The following PARG variants were observed in gnomAD, a reference collection of about 807,000 sequenced individuals.
The protein encoded by PARG is mitochondrial poly(ADP-ribose) glycohydrolase.
In PARG, 35 loss-of-function variants were observed where a neutral mutation model predicts 113.0. That is an observed-to-expected ratio of 0.31 (90% CI 0.24 to 0.41). The LOEUF (loss-of-function observed/expected upper bound fraction) is 0.41, where lower values mean the gene tolerates loss of function less well. Among genes scored for constraint, PARG ranks in the 10% least tolerant of loss-of-function variants. The probability of loss-of-function intolerance (pLI) is 1.00; values close to 1 mark genes in which losing one functional copy is unlikely to be tolerated. For missense variants in PARG, 797 were observed against 1,169.4 expected (o/e 0.68, Z 4.64); for synonymous variants, 330 against 409.9 (o/e 0.81, Z 2.36).
Position 49,820,258 on chromosome 10 carries a change from G to A in PARG, c.2683C>T (p.Arg895Ter), listed in dbSNP as rs1227376382. Residue 895 changes from arginine (R) to a stop codon, truncating the protein, a stop_gained, in exon 17 of 18, where the codon CGA becomes TGA. Coordinates refer to ENST00000616448, the MANE Select transcript of PARG (RefSeq NM_003631.5). LOFTEE classifies it high-confidence loss of function. ...CCAAAGGTGAAATAAACCACATCTC[G>A]CTCAGCTGCAGCAGCTGCCAATATC... ...IQILAAAAAE[R>*]DVVYFTFGDS... 12 of 1,543,724 alleles carry A rather than the reference G, an allele frequency of 7.8e-6. No homozygotes were observed. The highest frequency in any genetic ancestry group is 2.4e-5 in the East Asian group (1 of 40,890).
intron 16 of PARG, among the ~76,000 whole-genome samples, chr10:49,830,102 G>C (rs1201135118): frequency 6.6e-6 from 1 of 152,152 alleles, no homozygotes; most frequent in Non-Finnish European, 1.5e-5. Context: ...TACTATGCTT[G>C]ATAGTCACCA....
intron 4 of PARG, among the ~76,000 whole-genome samples, chr10:49,924,865 G>C (rs2664666): frequency 6.6e-6 from 1 of 152,204 alleles, no homozygotes; most frequent in African/African-American, 2.4e-5. Flanking sequence ...AATCTACATT[G>C]TGTAGAGCAA....
chr10:49,941,754 G>C lies in PARG; in HGVS notation c.-29C>G. ...GGGACCAGCAGCGCACTGTCCCCGG[G>C]CCGGCCCGGGCGGAGAGCCTCATTC... On this transcript the variant is annotated 5_prime_UTR_variant, in exon 1 of 18. Coordinates refer to ENST00000616448, the MANE Select transcript of PARG (RefSeq NM_003631.5). The C allele has an allele frequency of 2.6e-6, 4 of 1,549,272 alleles. No homozygotes were observed. In the South Asian group the frequency reaches 3.6e-5, roughly 14 times the overall value.
intron 14 of PARG, 24 bp from the exon 15 acceptor site, chr10:49,842,082 A>G: frequency 6.8e-7 from 1 of 1,469,476 alleles, no homozygotes. Context: ...GAAAGGGGAG[A>G]AAAGATAAGG....
At chr10:49,825,187 A>T (rs191160022) in intron 16 of PARG, among the ~76,000 whole-genome samples, 1 of 152,026 alleles carries the variant, frequency 6.6e-6, no homozygotes, top group Admixed American at 6.5e-5. Context: ...CTTATTCTCC[A>T]ATTGGTCTTG....
chr10:49,826,133 A>G (rs782204015), intron 16 of PARG, among the ~76,000 whole-genome samples: 7 of 152,206 alleles, frequency 4.6e-5, no homozygotes, highest in Non-Finnish European at 1.0e-4. Flanking sequence ...TAAGAAATAG[A>G]TACTTGCTCC....
At chr10:49,919,021 A>G (rs1362243311) in intron 6 of PARG, among the ~76,000 whole-genome samples, 6 of 151,888 alleles carry the variant, frequency 4.0e-5, no homozygotes, top group African/African-American at 1.2e-4. Flanking sequence ...GCTCACTGCA[A>G]CCTCTGCCTC....
At chr10:49,820,452 T>G (rs1844015152) in intron 16 of PARG, among the ~76,000 whole-genome samples, 159 bp from the exon 17 acceptor site, 1 of 152,012 alleles carries the variant, frequency 6.6e-6, no homozygotes, top group Non-Finnish European at 1.5e-5. Flanking sequence ...CTGGGCGCGG[T>G]GCCTCACACC....
intron 16 of PARG, among the ~76,000 whole-genome samples, chr10:49,830,149 C>T (rs1318327289): frequency 6.6e-6 from 1 of 151,468 alleles, no homozygotes; most frequent in Non-Finnish European, 1.5e-5. Context: ...GCTTTTAAGC[C>T]AGAAAAAAAG....
intron 7 of PARG, among the ~76,000 whole-genome samples, chr10:49,914,832 G>A (rs1489297705): frequency 2.6e-5 from 4 of 152,160 alleles, no homozygotes; most frequent in African/African-American, 9.7e-5. Context: ...AATTCAACAC[G>A]GGATAGAAGA....
chr10:49,935,166 T>C (rs1265039883), intron 1 of PARG, 24 bp from the exon 2 acceptor site: 8 of 710,802 alleles, frequency 1.1e-5, no homozygotes, highest in East Asian at 1.1e-4. Context: ...TGTATATTCA[T>C]ACATTCCTTC....
At chr10:49,913,070 C>T (rs180987763) in intron 7 of PARG, among the ~76,000 whole-genome samples, 20 of 152,328 alleles carry the variant, frequency 1.3e-4, no homozygotes, top group Non-Finnish European at 2.6e-4. Context: ...GTTTCCCTTG[C>T]GCTAAAAATC....
intron 7 of PARG, among the ~76,000 whole-genome samples, chr10:49,897,165 T>C (rs782625205): frequency 1.3e-5 from 2 of 152,224 alleles, no homozygotes. Context: ...TGTACCATAC[T>C]GACTTCATTA....
chr10:49,822,579 T>A (rs986405804), intron 16 of PARG, among the ~76,000 whole-genome samples: 10 of 152,188 alleles, frequency 6.6e-5, no homozygotes, highest in Non-Finnish European at 1.2e-4. Context: ...AATAGGAACA[T>A]CCTTTCTTTG....
chr10:49,822,557 T>C (rs1030494140), intron 16 of PARG, among the ~76,000 whole-genome samples: 2 of 151,710 alleles, frequency 1.3e-5, no homozygotes, highest in African/African-American at 2.4e-5. Flanking sequence ...GTAAGTGTGG[T>C]TGGGGTGTTA....
chr10:49,842,196 A>G lies in PARG; in HGVS notation c.2433-138T>C, dbSNP rs1845277803. ...ACCAGTGTCTGCAGGTCTGAGCAAA[A>G]GGAAAGGAAAGGAAACACCCTTTAT... On this transcript the variant is annotated intron_variant, in intron 14 of 17. Coordinates refer to ENST00000616448, the MANE Select transcript of PARG (RefSeq NM_003631.5). 4 of 615,852 alleles carry G rather than the reference A, an allele frequency of 6.5e-6. No individual in the cohort carries two copies. The East Asian group carries it at 8.3e-5, about 13-fold the overall frequency. The allele number at this position is 615,852 out of a possible 1,614,324, so 38.1% of individuals were successfully genotyped here.
intron 7 of PARG, among the ~76,000 whole-genome samples, chr10:49,897,625 T>C (rs567059016): frequency 1.2e-3 from 190 of 152,376 alleles, no homozygotes; most frequent in African/African-American, 4.4e-3. Flanking sequence ...CATTGCATTT[T>C]ATCTTCAAAG....
intron 7 of PARG, among the ~76,000 whole-genome samples, chr10:49,903,940 A>G (rs1848458375): frequency 6.6e-6 from 1 of 152,184 alleles, no homozygotes; most frequent in Non-Finnish European, 1.5e-5. Flanking sequence ...AGCATGAAGG[A>G]TGGATTTGAA....
chr10:49,877,970 C>T (rs1847024439), intron 9 of PARG, among the ~76,000 whole-genome samples: 1 of 151,822 alleles, frequency 6.6e-6, no homozygotes, highest in African/African-American at 2.4e-5. Flanking sequence ...TTATTAATCA[C>T]AAAAGGAAAT....
Sources: gnomAD v4.1 joint callset for allele counts (sites outside exome capture counted in the v4.1 genomes callset) on GRCh38, gnomAD v4.1.1 for gene constraint, MANE v1.5 for transcripts, NCBI Gene and HGNC (gene_info 2026-07-23, HGNC 2026-07-21) for gene names.